Variants in CD86 observed in about 807,000 individuals in gnomAD.
CD86 encodes the protein CD86 molecule, also known as T-lymphocyte activation antigen CD86.
Under a neutral mutation model 32.1 loss-of-function variants are expected in CD86, and 11 were observed. The ratio of observed to expected loss-of-function variants is 0.34; its 90% CI spans 0.22 to 0.57. The LOEUF (loss-of-function observed/expected upper bound fraction) is 0.57. CD86 is among the 20% of genes least tolerant of loss of function. The pLI, the probability that CD86 is intolerant of heterozygous loss-of-function variation, is 0.86. For synonymous variants in CD86, 137 were observed against 135.3 expected (o/e 1.01, Z -0.09); for missense variants, 359 against 398.4 (o/e 0.90, Z 0.84).
chr3:122,112,101 C>A (rs2073182606), intron 5 of CD86, among the ~76,000 whole-genome samples: 1 of 152,114 alleles, frequency 6.6e-6, no homozygotes, highest in South Asian at 2.1e-4. Flanking sequence ...ACCCTATCAG[C>A]TTACCCATTG....
At chr3:122,064,391 C>T (rs893818974) in intron 1 of CD86, among the ~76,000 whole-genome samples, 2 of 152,064 alleles carry the variant, frequency 1.3e-5, no homozygotes, top group Non-Finnish European at 2.9e-5. Context: ...CTCTGCTGAG[C>T]AGGATGAAAT....
chr3:122,108,782 G>A (rs2073128661), intron 4 of CD86, among the ~76,000 whole-genome samples: 1 of 152,200 alleles, frequency 6.6e-6, no homozygotes, highest in African/African-American at 2.4e-5. Context: ...GAAAACTAGA[G>A]GTAGGGGCCT....
intron 1 of CD86, among the ~76,000 whole-genome samples, chr3:122,074,550 C>A (rs2072531722): frequency 3.9e-5 from 6 of 152,232 alleles, no homozygotes. Context: ...GACTTGACCA[C>A]TGGCCGCAGG....
At chr3:122,073,581 G>A (rs554551141) in intron 1 of CD86, among the ~76,000 whole-genome samples, 6 of 152,234 alleles carry the variant, frequency 3.9e-5, no homozygotes, top group South Asian at 4.1e-4. Flanking sequence ...AATGTCTTAT[G>A]TTCACTCTCA....
chr3:122,068,786 T>G (rs1324045896), intron 1 of CD86, among the ~76,000 whole-genome samples: 1 of 152,264 alleles, frequency 6.6e-6, no homozygotes. Context: ...ATTGTAAGAT[T>G]AGATTGTAAA....
chr3:122,075,543 G>A (rs1477115943), intron 1 of CD86, among the ~76,000 whole-genome samples: 2 of 152,146 alleles, frequency 1.3e-5, no homozygotes, highest in Non-Finnish European at 2.9e-5. Flanking sequence ...TTCTAATAGT[G>A]AATTTCCCAA....
At chr3:122,101,479 A>G in intron 2 of CD86, among the ~76,000 whole-genome samples, 1 of 139,172 alleles carries the variant, frequency 7.2e-6, no homozygotes, top group African/African-American at 2.8e-5. Context: ...GAAAGAAGAT[A>G]CTGTGAGGCT....
intron 2 of CD86, among the ~76,000 whole-genome samples, chr3:122,097,996 C>T (rs897356598): frequency 6.6e-6 from 1 of 152,162 alleles, no homozygotes; most frequent in African/African-American, 2.4e-5. Flanking sequence ...TTGCAGCCCC[C>T]TTCAGAGACT....
intron 1 of CD86, chr3:122,077,845 G>A: frequency 1.0e-6 from 1 of 985,478 alleles, no homozygotes. Flanking sequence ...TCTCTAGTCA[G>A]TTCCCCTTTC....
intron 1 of CD86, among the ~76,000 whole-genome samples, chr3:122,061,713 G>C (rs894498488): frequency 6.6e-6 from 1 of 152,212 alleles, no homozygotes. Flanking sequence ...AGGATGCGGA[G>C]AAACTGGATC....
chr3:122,109,465 G>T lies in CD86; in HGVS notation c.847+57G>T, dbSNP rs2073140675. 4.4e-6 allele frequency: 7 copies of T among 1,593,902 alleles called. No homozygotes were observed. The Middle Eastern group carries it at 5.0e-4, about 114-fold the overall frequency. On this transcript the variant is annotated intron_variant, in intron 5 of 6. Coordinates refer to ENST00000330540, the MANE Select transcript of CD86 (RefSeq NM_175862.5). ...TCACTTTGCACCTACTTCCCAATCG[G>T]CTGGCTGCCTTCCGGAGCTTGTTGG...
At chr3:122,086,839 T>C (rs1305799790) in intron 1 of CD86, among the ~76,000 whole-genome samples, 1 of 152,192 alleles carries the variant, frequency 6.6e-6, no homozygotes, top group Non-Finnish European at 1.5e-5. Flanking sequence ...TCTCAGAGGC[T>C]AGATAACATC....
At chr3:122,072,451 G>A (rs1315382906) in intron 1 of CD86, among the ~76,000 whole-genome samples, 1 of 152,122 alleles carries the variant, frequency 6.6e-6, no homozygotes, top group Non-Finnish European at 1.5e-5. Flanking sequence ...ATCTCATTGT[G>A]GTTTTGATTT....
rs1436647275 is a variant in CD86 at position 122,101,509 on chromosome 3, A to AT, written c.65-2003_65-2002insT. Among the ~76,000 whole-genome samples the AT allele has an allele frequency of 3.6e-3, 207 of 56,854 alleles. 1 individual carries two copies. The East Asian group carries it at 0.1, about 28-fold the overall frequency. The allele number at this position is 56,854 out of a possible 152,430, so 37.3% of individuals were successfully genotyped here. ...GAGGCTCTACAGAAAAAAAAAAAAA[A>AT]AAAAATATATATATATATATATATA... On this transcript the variant is annotated intron_variant, in intron 2 of 6. Coordinates refer to ENST00000330540, the MANE Select transcript of CD86 (RefSeq NM_175862.5).
intron 1 of CD86, among the ~76,000 whole-genome samples, chr3:122,085,811 G>A (rs2072707776): frequency 6.6e-6 from 1 of 152,202 alleles, no homozygotes; most frequent in African/African-American, 2.4e-5. Flanking sequence ...GCCCCAGGGA[G>A]CTGATGTTGC....
In CD86 at chr3:122,116,166, A is replaced by C. The variant is rs189223780; in HGVS notation, c.848-1882A>C. Among the ~76,000 whole-genome samples, 48 of 152,354 alleles carry C rather than the reference A, an allele frequency of 3.2e-4. No homozygotes were observed. In the South Asian group the frequency reaches 9.5e-3, roughly 30 times the overall value. ...ATAAAATGGATGTCATCAATATGGA[A>C]AACTTTTGTTCTTTGACTTTGTTTA... On this transcript the variant is annotated intron_variant, in intron 5 of 6. Coordinates refer to ENST00000330540, the MANE Select transcript of CD86 (RefSeq NM_175862.5).
At chr3:122,114,172 A>G (rs2073216006) in intron 5 of CD86, among the ~76,000 whole-genome samples, 2 of 152,016 alleles carry the variant, frequency 1.3e-5, no homozygotes, top group Non-Finnish European at 2.9e-5. Flanking sequence ...AATCGCTTGA[A>G]CCTGGGAGGC....
At chr3:122,077,187 A>G (rs974204544) in intron 1 of CD86, among the ~76,000 whole-genome samples, 7 of 152,156 alleles carry the variant, frequency 4.6e-5, no homozygotes, top group Non-Finnish European at 8.8e-5. Flanking sequence ...TGATCAGGGC[A>G]GAAAAAGGAG....
rs4048621 is a variant in CD86, at chr3:122,095,171, A to AT, written c.64+3539dup. 1.3e-3 allele frequency among the ~76,000 whole-genome samples: 169 copies of AT among 130,942 alleles called. 2 individuals carry two copies. The highest frequency in any genetic ancestry group is 4.4e-3 in the South Asian group (17 of 3,874). The allele number at this position is 130,942 out of a possible 152,430, so 85.9% of individuals were successfully genotyped here. A position where few individuals can be genotyped will look rare whatever the true frequency, so the allele number is the denominator to read the frequency against. ...AGTTGGAATATTTCTTCACTTTAAG[A>AT]TTTTTTTTTTTTTTTTTTGAGATGG... On this transcript the variant is annotated intron_variant, in intron 2 of 6. Transcript: ENST00000330540.
Sources: allele counts gnomAD v4.1 joint callset (sites outside exome capture counted in the v4.1 genomes callset), GRCh38; gene constraint gnomAD v4.1.1; transcripts MANE v1.5; gene names NCBI Gene and HGNC (gene_info 2026-07-23, HGNC 2026-07-21).